The following DCAF8L2 variants were observed in gnomAD, a reference collection of about 807,000 sequenced individuals.
DCAF8L2 encodes the protein DDB1 and CUL4 associated factor 8 like 2, also known as DDB1- and CUL4-associated factor 8-like protein 2.
For synonymous variants in DCAF8L2, 200 were observed against 190.9 expected, an observed-to-expected ratio of 1.05 and a Z score of -0.39; for missense variants, 430 against 490.7, an observed-to-expected ratio of 0.88 and a Z score of 1.17.
the DCAF8L2 span, among the ~76,000 whole-genome samples, chrX:27,522,838 A>G: frequency 3.6e-5 from 4 of 111,510 alleles, no homozygotes; most frequent in African/African-American, 6.5e-5. Flanking sequence ...ACATGAAGCA[A>G]GTAGATAAGC....
chrX:27,552,192 A>C, the DCAF8L2 span, among the ~76,000 whole-genome samples: 1 of 111,432 alleles, frequency 9.0e-6, no homozygotes, highest in Non-Finnish European at 1.9e-5. Context: ...TATATTCTAA[A>C]TATTAACTCC....
At chrX:27,516,288 T>C in the DCAF8L2 span, among the ~76,000 whole-genome samples, 1 of 111,653 alleles carries the variant, frequency 9.0e-6, no homozygotes, top group Non-Finnish European at 1.9e-5. Flanking sequence ...AAACTAAAAT[T>C]ATAATTTCTA....
At chrX:27,589,031 G>A (rs192095299), upstream of DCAF8L2, among the ~76,000 whole-genome samples, 2 of 111,795 alleles carry the variant, frequency 1.8e-5, no homozygotes, top group East Asian at 5.6e-4. Context: ...GCATTGGAAA[G>A]ACAATGGCTA....
the DCAF8L2 span, among the ~76,000 whole-genome samples, chrX:27,502,332 AAAAATATATATATATAT>A: frequency 1.2e-3 from 42 of 34,057 alleles, 2 homozygotes; most frequent in African/African-American, 4.9e-3. Context: ...AAAAAAAAAA[AAAAATATATATATATAT>A]ATATATATAT....
chrX:27,654,231 A>G (rs1382130388), intron 2 of DCAF8L2, among the ~76,000 whole-genome samples: 1 of 111,268 alleles, frequency 9.0e-6, no homozygotes, highest in Non-Finnish European at 1.9e-5. Flanking sequence ...GAGCTCCTCT[A>G]CCAACCTGTG....
chrX:27,620,709 T>C (rs1369034488), intron 1 of DCAF8L2, among the ~76,000 whole-genome samples: 1 of 112,081 alleles, frequency 8.9e-6, no homozygotes, highest in Non-Finnish European at 1.9e-5. Context: ...TTGTAACACT[T>C]GTACATTTTT....
chrX:27,481,895 T>G, the DCAF8L2 span, among the ~76,000 whole-genome samples: 1 of 111,950 alleles, frequency 8.9e-6, no homozygotes. Flanking sequence ...TATTTTAATT[T>G]TGCTCAGTTG....
the DCAF8L2 span, among the ~76,000 whole-genome samples, chrX:27,489,001 T>A: frequency 8.9e-6 from 1 of 112,007 alleles, no homozygotes; most frequent in Non-Finnish European, 1.9e-5. Flanking sequence ...TGTCCCACCC[T>A]TTTTGAAGAT....
the DCAF8L2 span, among the ~76,000 whole-genome samples, chrX:27,515,144 T>C: frequency 1.8e-5 from 2 of 112,022 alleles, no homozygotes; most frequent in African/African-American, 6.5e-5. Context: ...ACACCATAAA[T>C]ATTTACAATT....
the DCAF8L2 span, among the ~76,000 whole-genome samples, chrX:27,568,945 A>G: frequency 4.8e-5 from 3 of 62,965 alleles, no homozygotes; most frequent in African/African-American, 2.3e-4. Flanking sequence ...TTTGGAACTC[A>G]AACACACACA....
intron 4 of DCAF8L2, among the ~76,000 whole-genome samples, chrX:27,728,407 T>C (rs1397351676): frequency 9.0e-6 from 1 of 111,117 alleles, no homozygotes; most frequent in African/African-American, 3.3e-5. Flanking sequence ...TGAGCACATT[T>C]CCTCCAATAA....
At chrX:27,509,790 A>G in the DCAF8L2 span, among the ~76,000 whole-genome samples, 1 of 111,629 alleles carries the variant, frequency 9.0e-6, no homozygotes, top group African/African-American at 3.2e-5. Flanking sequence ...TTGAACATCA[A>G]TAAAAAGAGA....
the DCAF8L2 span, among the ~76,000 whole-genome samples, chrX:27,473,061 G>A: frequency 8.9e-6 from 1 of 111,977 alleles, no homozygotes; most frequent in Non-Finnish European, 1.9e-5. Context: ...TTTCATAGCA[G>A]TTTGTTCCTT....
chrX:27,603,390 G>A lies in DCAF8L2; in HGVS notation c.-342+12950G>A, dbSNP rs765612986. 8.5e-4 allele frequency among the ~76,000 whole-genome samples: 95 copies of A among 111,116 alleles called. 1 individual carries two copies. Among genetic ancestry groups the A allele is most frequent in the Non-Finnish European group, 5.1e-4 (27 of 52,960 alleles). On this transcript the variant is annotated intron_variant, in intron 1 of 4. Coordinates refer to ENST00000451261, the MANE Select transcript of DCAF8L2 (RefSeq NM_001353450.2). ...AACGGCTTAAGAATTTTAAGTGCCC[G>A]GGGACCCTATTTTAAAAGCATCATT...
chrX:27,482,466 A>G, the DCAF8L2 span, among the ~76,000 whole-genome samples: 2 of 111,419 alleles, frequency 1.8e-5, no homozygotes, highest in African/African-American at 6.5e-5. Flanking sequence ...TCTTATCCTT[A>G]TTCTTCCTTC....
chrX:27,585,800 G>A (rs1925893284), upstream of DCAF8L2, among the ~76,000 whole-genome samples: 1 of 111,240 alleles, frequency 9.0e-6, no homozygotes, highest in African/African-American at 3.3e-5. Flanking sequence ...CAATTTAAAT[G>A]GTCCTTGTGG....
intron 2 of DCAF8L2, among the ~76,000 whole-genome samples, chrX:27,640,334 A>G (rs1160798134): frequency 8.9e-6 from 1 of 112,459 alleles, no homozygotes. Flanking sequence ...AGAGTGTTAT[A>G]TAAATGAATC....
intron 3 of DCAF8L2, among the ~76,000 whole-genome samples, chrX:27,700,381 G>GA (rs60642526): frequency 5.7e-5 from 6 of 105,484 alleles, no homozygotes; most frequent in South Asian, 4.1e-4. Context: ...AAGTGTTAAG[G>GA]AAAAAAAAAA....
chrX:27,642,894 G>A (rs968145406), intron 2 of DCAF8L2, among the ~76,000 whole-genome samples: 2 of 111,534 alleles, frequency 1.8e-5, no homozygotes, highest in African/African-American at 6.5e-5. Context: ...GCATCATAGC[G>A]TTACTAAAAC....
Sources: allele counts gnomAD v4.1 joint callset (sites outside exome capture counted in the v4.1 genomes callset), GRCh38; gene constraint gnomAD v4.1.1; transcripts MANE v1.5; gene names NCBI Gene and HGNC (gene_info 2026-07-23, HGNC 2026-07-21).